SPMIP2: variants seen among roughly 807,000 people sequenced by gnomAD.
The protein encoded by SPMIP2 is sperm microtubule inner protein 2.
the SPMIP2 span, among the ~76,000 whole-genome samples, chr4:158,989,992 G>A: frequency 6.6e-6 from 1 of 152,040 alleles, no homozygotes; most frequent in African/African-American, 2.4e-5. Context: ...TATGACAAAG[G>A]GCTAATATCC....
At chr4:159,070,434 C>T in the SPMIP2 span, among the ~76,000 whole-genome samples, 4 of 152,164 alleles carry the variant, frequency 2.6e-5, 1 homozygote, top group South Asian at 4.1e-4. Context: ...CTTTACAACT[C>T]CACTGTAAGC....
At chr4:158,922,674 T>C in the SPMIP2 span, among the ~76,000 whole-genome samples, 1 of 152,220 alleles carries the variant, frequency 6.6e-6, no homozygotes, top group Non-Finnish European at 1.5e-5. Context: ...CAAAAGATTA[T>C]GCAATCACCA....
chr4:158,961,177 T>C, the SPMIP2 span, among the ~76,000 whole-genome samples: 1 of 152,058 alleles, frequency 6.6e-6, no homozygotes, highest in Non-Finnish European at 1.5e-5. Flanking sequence ...ATTCATAACA[T>C]CTCAAAAAGT....
chr4:159,081,026 T>C, the SPMIP2 span, among the ~76,000 whole-genome samples: 2 of 148,820 alleles, frequency 1.3e-5, no homozygotes, highest in Non-Finnish European at 3.0e-5. Flanking sequence ...CCCGGACTCT[T>C]TGTTTCTTTC....
At chr4:158,895,600 G>C in the SPMIP2 span, 1 of 600,304 alleles carries the variant, frequency 1.7e-6, no homozygotes, top group Admixed American at 2.7e-5. Context: ...TAGTGGTAGG[G>C]TTTGAGATGG....
chr4:158,932,380 A>G, the SPMIP2 span, among the ~76,000 whole-genome samples: 1 of 152,200 alleles, frequency 6.6e-6, no homozygotes, highest in South Asian at 2.1e-4. Context: ...GAGGCAGGAG[A>G]ATTGCTTGAA....
chr4:158,977,194 CT>C, the SPMIP2 span, among the ~76,000 whole-genome samples: 1 of 152,184 alleles, frequency 6.6e-6, no homozygotes, highest in African/African-American at 2.4e-5. Context: ...TTGCACCCCC[CT>C]GGTAGAATTC....
chr4:158,991,072 T>A, the SPMIP2 span, among the ~76,000 whole-genome samples: 39 of 152,022 alleles, frequency 2.6e-4, no homozygotes, highest in Non-Finnish European at 4.6e-4. Flanking sequence ...GCCACCAAGC[T>A]CTGCTAAAAT....
At chr4:159,035,218 G>C in the SPMIP2 span, 1 of 738,236 alleles carries the variant, frequency 1.4e-6, no homozygotes, top group African/African-American at 1.8e-5. Flanking sequence ...CCTGCACCAG[G>C]TGGTTGCTAA....
the SPMIP2 span, among the ~76,000 whole-genome samples, chr4:159,035,455 A>G: frequency 6.6e-6 from 1 of 152,214 alleles, no homozygotes; most frequent in Non-Finnish European, 1.5e-5. Flanking sequence ...CTGTCTTTCA[A>G]CATTTCAAAA....
At chr4:158,940,906 G>C in the SPMIP2 span, among the ~76,000 whole-genome samples, 1 of 152,202 alleles carries the variant, frequency 6.6e-6, no homozygotes, top group Admixed American at 6.5e-5. Flanking sequence ...CAGGACTGCA[G>C]TAGTCTCTGA....
At chr4:158,971,939 A>G in the SPMIP2 span, among the ~76,000 whole-genome samples, 1 of 152,204 alleles carries the variant, frequency 6.6e-6, no homozygotes, top group Non-Finnish European at 1.5e-5. Context: ...CATGTAGAAG[A>G]GGCGCAAACA....
chr4:159,066,998 T>C, the SPMIP2 span, among the ~76,000 whole-genome samples: 2 of 152,292 alleles, frequency 1.3e-5, no homozygotes, highest in African/African-American at 2.4e-5. Context: ...GCCAGGAACC[T>C]GTAAGTCAAA....
At chr4:159,024,946 G>T in the SPMIP2 span, among the ~76,000 whole-genome samples, 3 of 152,246 alleles carry the variant, frequency 2.0e-5, no homozygotes, top group East Asian at 5.8e-4. Context: ...CCACATGCCA[G>T]ACACTAAGTA....
chr4:159,045,139 A>G, the SPMIP2 span, among the ~76,000 whole-genome samples: 3 of 152,168 alleles, frequency 2.0e-5, no homozygotes, highest in African/African-American at 7.2e-5. Flanking sequence ...AGAAGTCTGG[A>G]AAGTTGAGGA....
the SPMIP2 span, among the ~76,000 whole-genome samples, chr4:158,910,462 G>A: frequency 2.7e-3 from 416 of 151,392 alleles, 4 homozygotes; most frequent in Non-Finnish European, 2.4e-3. Flanking sequence ...TAGTAGAGAC[G>A]GGGTTTCCCC....
At chr4:158,969,703 C>T in the SPMIP2 span, among the ~76,000 whole-genome samples, 2 of 152,140 alleles carry the variant, frequency 1.3e-5, no homozygotes, top group Non-Finnish European at 2.9e-5. Context: ...GGCAGCTGCT[C>T]CAGGCATTTT....
chr4:159,039,403 C>T, the SPMIP2 span, among the ~76,000 whole-genome samples: 2 of 152,130 alleles, frequency 1.3e-5, no homozygotes, highest in African/African-American at 2.4e-5. Flanking sequence ...CTAAGCCAGG[C>T]ACAGAGGAGA....
At chr4:159,078,145 A>G in the SPMIP2 span, among the ~76,000 whole-genome samples, 1 of 152,150 alleles carries the variant, frequency 6.6e-6, no homozygotes, top group Non-Finnish European at 1.5e-5. Flanking sequence ...GTAAAGGGGG[A>G]AAATCGGAAA....
Sources: gnomAD v4.1 joint callset for allele counts (sites outside exome capture counted in the v4.1 genomes callset) on GRCh38, gnomAD v4.1.1 for gene constraint, MANE v1.5 for transcripts, NCBI Gene and HGNC (gene_info 2026-07-23, HGNC 2026-07-21) for gene names.